CHN2: variants seen among roughly 807,000 people sequenced by gnomAD.
CHN2 encodes chimerin 2.
In CHN2, 35 loss-of-function variants were observed where a neutral mutation model predicts 56.3. The ratio of observed to expected loss-of-function variants is 0.62; its 90% confidence interval spans 0.47 to 0.82. The LOEUF (loss-of-function observed/expected upper bound fraction) is 0.82, where lower values mean the gene tolerates loss of function less well. Among genes scored for constraint, CHN2 ranks in the 40% least tolerant of loss-of-function variants. The pLI is 0.00. For missense variants in CHN2, 491 were observed against 580.5 expected (o/e 0.85, Z 1.58); for synonymous variants, 210 against 212.8 (o/e 0.99, Z 0.12).
chr7:29,272,751 T>C (rs1452173309), intron 1 of CHN2, among the ~76,000 whole-genome samples: 1 of 152,236 alleles, frequency 6.6e-6, no homozygotes, highest in Non-Finnish European at 1.5e-5. Flanking sequence ...TTTGTCAATT[T>C]ACTTCAAACC....
chr7:29,406,003 C>T (rs1486497040), intron 6 of CHN2, among the ~76,000 whole-genome samples: 1 of 152,220 alleles, frequency 6.6e-6, no homozygotes, highest in Admixed American at 6.5e-5. Flanking sequence ...TTGAGCCTGT[C>T]CCGAGTGGTT....
At chr7:29,453,580 G>T (rs3793263) in intron 6 of CHN2, among the ~76,000 whole-genome samples, 18,724 of 152,046 alleles carry the variant, frequency 0.12, 1,294 homozygotes, top group South Asian at 0.2. Flanking sequence ...GATAATTCAG[G>T]GTGAACATCT....
chr7:29,439,371 C>T (rs1327258199), intron 6 of CHN2, among the ~76,000 whole-genome samples: 1 of 152,204 alleles, frequency 6.6e-6, no homozygotes, highest in Non-Finnish European at 1.5e-5. Context: ...CTGAATTTAA[C>T]TGGCTTCTTC....
intron 1 of CHN2, among the ~76,000 whole-genome samples, chr7:29,238,680 A>G (rs1474739007): frequency 1.3e-5 from 2 of 152,240 alleles, no homozygotes; most frequent in Non-Finnish European, 2.9e-5. Context: ...AGTATTAAGA[A>G]GGGCTGAATT....
intron 1 of CHN2, among the ~76,000 whole-genome samples, chr7:29,346,178 C>T (rs1010868289): frequency 2.0e-5 from 3 of 152,190 alleles, no homozygotes; most frequent in Non-Finnish European, 4.4e-5. Context: ...GGCCTGGCAC[C>T]ATTTGGCCGT....
intron 1 of CHN2, among the ~76,000 whole-genome samples, chr7:29,330,450 A>G (rs997385136): frequency 7.2e-5 from 11 of 152,202 alleles, no homozygotes; most frequent in Admixed American, 1.3e-4. Context: ...TCCCCCGCTT[A>G]GATGGTTTTT....
At chr7:29,282,442 C>T (rs186083190) in intron 1 of CHN2, among the ~76,000 whole-genome samples, 5 of 152,292 alleles carry the variant, frequency 3.3e-5, no homozygotes, top group African/African-American at 1.2e-4. Context: ...GCTAGTGGCT[C>T]ATTATATGTT....
chr7:29,399,352 G>T (rs1392806216), intron 5 of CHN2, among the ~76,000 whole-genome samples: 2 of 152,154 alleles, frequency 1.3e-5, no homozygotes, highest in East Asian at 1.9e-4. Context: ...TTCTCTCAGG[G>T]TTCACCTTGT....
intron 6 of CHN2, among the ~76,000 whole-genome samples, chr7:29,449,859 G>A (rs1784281708): frequency 6.6e-6 from 1 of 152,212 alleles, no homozygotes; most frequent in African/African-American, 2.4e-5. Flanking sequence ...ACTGAGCTGG[G>A]TGGTAACTTG....
At position 29,242,005 on chromosome 7, in the gene CHN2, A is replaced by G. The variant is rs146130362; in HGVS notation, c.49+47015A>G. On this transcript the variant is annotated intron_variant, in intron 1 of 12. Coordinates refer to ENST00000222792, the MANE Select transcript of CHN2 (RefSeq NM_004067.4). ...ATATGGAACATAATAGTAATATCAG[A>G]CACTTCCATGGTGTTTACCATGTGC... Among the ~76,000 whole-genome samples, 126 of 152,300 alleles carry G rather than the reference A, an allele frequency of 8.3e-4. 1 individual carries two copies. The highest frequency in any genetic ancestry group is 3.0e-3 in the African/African-American group (124 of 41,558).
chr7:29,305,798 C>CT (rs1794096080), intron 1 of CHN2, among the ~76,000 whole-genome samples: 1 of 151,428 alleles, frequency 6.6e-6, no homozygotes, highest in Non-Finnish European at 1.5e-5. Flanking sequence ...CTCCATCCTC[C>CT]CGTTCCTTCC....
At chr7:29,188,948 CTT>C (rs11376135) in intron 2 of CHN2, among the ~76,000 whole-genome samples, 11 of 129,918 alleles carry the variant, frequency 8.5e-5, no homozygotes, top group Admixed American at 2.4e-4. Context: ...TTCCTCATAC[CTT>C]TTTTTTTTTT....
intron 12 of CHN2, among the ~76,000 whole-genome samples, chr7:29,511,508 A>G (rs1055010): frequency 0.29 from 44,034 of 152,050 alleles, 6,584 homozygotes; most frequent in Admixed American, 0.34. Context: ...CATCTTGTTT[A>G]GTCAGGCATA....
intron 6 of CHN2, among the ~76,000 whole-genome samples, chr7:29,474,865 G>C (rs1786458761): frequency 6.6e-6 from 1 of 152,194 alleles, no homozygotes; most frequent in South Asian, 2.1e-4. Flanking sequence ...ACAATGTTGT[G>C]CTCCCTAGAA....
At chr7:29,357,083 A>G (rs1489360844) in intron 2 of CHN2, among the ~76,000 whole-genome samples, 1 of 152,240 alleles carries the variant, frequency 6.6e-6, no homozygotes, top group Non-Finnish European at 1.5e-5. Context: ...AAGTACTTCT[A>G]TGTCTTGAGG....
At chr7:29,160,468 G>A (rs368572115) in intron 2 of CHN2, among the ~76,000 whole-genome samples, 1 of 152,264 alleles carries the variant, frequency 6.6e-6, no homozygotes, top group East Asian at 1.9e-4. Flanking sequence ...ACCCTAGTCA[G>A]TCATGGCTAC....
chr7:29,500,065 G>A (rs1250135533), intron 9 of CHN2, 25 bp downstream of exon 9: 3 of 1,447,334 alleles, frequency 2.1e-6, no homozygotes, highest in Non-Finnish European at 2.8e-6. Context: ...TCCTATTATA[G>A]TAGTATAGTG....
At chr7:29,294,161 C>T (rs1198261952) in intron 1 of CHN2, among the ~76,000 whole-genome samples, 2 of 152,066 alleles carry the variant, frequency 1.3e-5, no homozygotes, top group Admixed American at 6.6e-5. Flanking sequence ...CCACGGCGCC[C>T]GGCCTGAGGG....
intron 6 of CHN2, among the ~76,000 whole-genome samples, chr7:29,471,632 T>C (rs991836300): frequency 6.6e-6 from 1 of 152,208 alleles, no homozygotes; most frequent in Non-Finnish European, 1.5e-5. Flanking sequence ...CACTTCTGTG[T>C]GTCTCTCACA....
Sources: allele counts gnomAD v4.1 joint callset (sites outside exome capture counted in the v4.1 genomes callset), GRCh38; gene constraint gnomAD v4.1.1; transcripts MANE v1.5; gene names NCBI Gene and HGNC (gene_info 2026-07-23, HGNC 2026-07-21).